Variants in EPHB1 observed in about 807,000 individuals in gnomAD.
The protein encoded by EPHB1 is EPH receptor B1.
A neutral mutation model predicts 94.4 loss-of-function variants in EPHB1; 30 were observed. That is an observed-to-expected ratio of 0.32 (90% confidence interval 0.24 to 0.43). EPHB1 has a LOEUF of 0.43. Among genes scored for constraint, EPHB1 ranks in the 20% least tolerant of loss-of-function variants. The pLI, the probability that EPHB1 is intolerant of heterozygous loss-of-function variation, is 1.00. For synonymous variants in EPHB1, 522 were observed against 489.1 expected (o/e 1.07, Z -0.89); for missense variants, 1,055 against 1,308.3 (o/e 0.81, Z 2.99).
chr3:134,970,501 T>C (rs1933927352), intron 3 of EPHB1, among the ~76,000 whole-genome samples: 1 of 152,198 alleles, frequency 6.6e-6, no homozygotes, highest in Admixed American at 6.5e-5. Context: ...ATGGCACTTA[T>C]TATAGTGTGA....
chr3:135,251,782 T>C (rs1377077576), intron 15 of EPHB1, among the ~76,000 whole-genome samples: 2 of 152,190 alleles, frequency 1.3e-5, no homozygotes, highest in African/African-American at 4.8e-5. Flanking sequence ...TGGACAGAGA[T>C]CCAGCCAAGC....
intron 1 of EPHB1, among the ~76,000 whole-genome samples, chr3:134,863,763 G>A (rs1220568661): frequency 2.6e-5 from 4 of 152,106 alleles, no homozygotes; most frequent in Admixed American, 6.6e-5. Flanking sequence ...TTGCATTGTC[G>A]TACCCAGTTT....
chr3:135,204,850 C>G (rs4501139), intron 12 of EPHB1, among the ~76,000 whole-genome samples: 1 of 146,778 alleles, frequency 6.8e-6, no homozygotes, highest in Non-Finnish European at 1.5e-5. Flanking sequence ...CTATAGTTAC[C>G]CTGTTTTGCT....
chr3:135,085,552 T>C (rs1348495516), intron 3 of EPHB1, among the ~76,000 whole-genome samples: 1 of 152,174 alleles, frequency 6.6e-6, no homozygotes, highest in Non-Finnish European at 1.5e-5. Context: ...GACAGCCTGG[T>C]TTTTTATTGT....
At chr3:134,802,433 G>A (rs1039559835) in intron 1 of EPHB1, among the ~76,000 whole-genome samples, 98 of 152,092 alleles carry the variant, frequency 6.4e-4, no homozygotes, top group African/African-American at 2.1e-3. Context: ...AATCATGGGT[G>A]GGGCATGGAT....
rs998158220 is a variant in EPHB1 at position 134,802,207 on chromosome 3, C to T, written c.58+6518C>T. On this transcript the variant is annotated intron_variant, in intron 1 of 15. Transcript: ENST00000398015. ...ATCCCAGCACTTTGGGAGGCTGAGG[C>T]GGGCGGATCACGAGGTCAGGAGATT... 1.1e-4 allele frequency among the ~76,000 whole-genome samples: 16 copies of T among 151,722 alleles called. 1 individual carries two copies. Among genetic ancestry groups the T allele is most frequent in the South Asian group, 6.2e-4 (3 of 4,806 alleles).
intron 3 of EPHB1, among the ~76,000 whole-genome samples, chr3:135,093,372 C>A (rs1208909009): frequency 6.6e-6 from 1 of 152,162 alleles, no homozygotes; most frequent in African/African-American, 2.4e-5. Flanking sequence ...CTTCTTGCCA[C>A]ACCACTCACA....
chr3:135,052,915 GT>G (rs1937218100), intron 3 of EPHB1, among the ~76,000 whole-genome samples: 1 of 89,020 alleles, frequency 1.1e-5, no homozygotes, highest in Non-Finnish European at 2.0e-5. Context: ...ATATATGTGT[GT>G]GTGTGTGTGT....
intron 1 of EPHB1, among the ~76,000 whole-genome samples, chr3:134,847,979 A>G (rs1418552935): frequency 6.6e-6 from 1 of 152,184 alleles, no homozygotes; most frequent in Non-Finnish European, 1.5e-5. Flanking sequence ...TTAATTAACG[A>G]ACCTTTGCAT....
intron 3 of EPHB1, among the ~76,000 whole-genome samples, chr3:135,094,218 C>T (rs1197511826): frequency 6.6e-6 from 1 of 152,232 alleles, no homozygotes; most frequent in Admixed American, 6.5e-5. Flanking sequence ...TGTCTGGCTG[C>T]TGTGAACCTG....
intron 3 of EPHB1, among the ~76,000 whole-genome samples, chr3:135,012,205 G>C (rs1381480411): frequency 6.6e-6 from 1 of 152,200 alleles, no homozygotes; most frequent in Non-Finnish European, 1.5e-5. Context: ...CACTGCTCCA[G>C]GACAGAGTAG....
chr3:134,904,488 G>C (rs1284364897), intron 1 of EPHB1, among the ~76,000 whole-genome samples: 1 of 138,200 alleles, frequency 7.2e-6, no homozygotes, highest in African/African-American at 3.0e-5. Context: ...GGTCTGTGGT[G>C]GGGGGTGGCA....
At chr3:135,095,547 T>G (rs1165526493) in intron 3 of EPHB1, among the ~76,000 whole-genome samples, 1 of 152,146 alleles carries the variant, frequency 6.6e-6, no homozygotes, top group Non-Finnish European at 1.5e-5. Context: ...CTGATTCTGT[T>G]TCTTCCCAAT....
intron 5 of EPHB1, among the ~76,000 whole-genome samples, chr3:135,136,803 A>C (rs1296076838): frequency 2.6e-5 from 4 of 152,240 alleles, no homozygotes; most frequent in Non-Finnish European, 5.9e-5. Context: ...AGGATTGGTC[A>C]TGAATTATGC....
intron 1 of EPHB1, among the ~76,000 whole-genome samples, chr3:134,923,760 G>C (rs2038735537): frequency 6.6e-6 from 1 of 152,124 alleles, no homozygotes; most frequent in Admixed American, 6.5e-5. Flanking sequence ...GTTTATGACA[G>C]GGTTCTTCTA....
chr3:134,964,067 C>G lies in EPHB1; in HGVS notation c.805+12015C>G, dbSNP rs540597462. On this transcript the variant is annotated intron_variant, in intron 3 of 15. Transcript: ENST00000398015. The stretch of plus-strand genomic sequence containing the variant: ...TGCCTGATGCATCTCTGAATCCCTA[C>G]TTGCTCTGTGCCATCTGTTAAATGA... Among the ~76,000 whole-genome samples, 50 of 152,340 alleles carry G rather than the reference C, an allele frequency of 3.3e-4. 1 individual carries two copies. The South Asian group carries it at 0.01, about 31-fold the overall frequency.
At chr3:134,915,834 A>G (rs2038557797) in intron 1 of EPHB1, among the ~76,000 whole-genome samples, 1 of 152,206 alleles carries the variant, frequency 6.6e-6, no homozygotes, top group Non-Finnish European at 1.5e-5. Context: ...GGCGTTGTGG[A>G]CCCAAAGAGT....
intron 1 of EPHB1, among the ~76,000 whole-genome samples, chr3:134,834,783 G>C (rs1236779424): frequency 1.3e-5 from 2 of 152,198 alleles, no homozygotes; most frequent in Admixed American, 6.5e-5. Context: ...TATGCCATCA[G>C]AATCTGTGAT....
intron 1 of EPHB1, among the ~76,000 whole-genome samples, chr3:134,832,387 A>T (rs1421542700): frequency 1.3e-5 from 2 of 152,194 alleles, no homozygotes; most frequent in African/African-American, 2.4e-5. Context: ...CTGAGAAGAA[A>T]TCTGGGACAG....
Sources: gnomAD v4.1 joint callset for allele counts (sites outside exome capture counted in the v4.1 genomes callset) on GRCh38, gnomAD v4.1.1 for gene constraint, MANE v1.5 for transcripts, NCBI Gene and HGNC (gene_info 2026-07-23, HGNC 2026-07-21) for gene names.